The following UBE2K variants were observed in gnomAD, a reference collection of about 807,000 sequenced individuals.
UBE2K encodes ubiquitin-conjugating enzyme E2 K.
In UBE2K, 6 loss-of-function variants were observed where a neutral mutation model predicts 30.0. That is an observed-to-expected ratio of 0.20 (90% CI 0.11 to 0.39). The LOEUF (loss-of-function observed/expected upper bound fraction) is 0.39. Among genes scored for constraint, UBE2K ranks in the 10% least tolerant of loss-of-function variants. The pLI is 1.00. For synonymous variants in UBE2K, 86 were observed against 83.7 expected, an observed-to-expected ratio of 1.03 and a Z score of -0.15; for missense variants, 61 against 241.6, an observed-to-expected ratio of 0.25 and a Z score of 4.96.
intron 2 of UBE2K, among the ~76,000 whole-genome samples, chr4:39,741,521 T>A (rs933597620): frequency 6.6e-6 from 1 of 152,216 alleles, no homozygotes; most frequent in Admixed American, 6.5e-5. Context: ...TTTGAGTTTT[T>A]AAAAATCTAA....
intron 4 of UBE2K, among the ~76,000 whole-genome samples, chr4:39,767,175 T>C (rs1011022516): frequency 1.3e-5 from 2 of 152,212 alleles, no homozygotes; most frequent in African/African-American, 4.8e-5. Flanking sequence ...TTTTCTCCCT[T>C]ATGTTTTTGC....
Position 39,698,205 on chromosome 4 carries a change from C to A in UBE2K, c.-123C>A. 1 of 920,052 alleles carries A rather than the reference C, an allele frequency of 1.1e-6. No individual in the cohort carries two copies. The highest frequency in any genetic ancestry group is 1.7e-6 in the Non-Finnish European group (1 of 573,110). 57.0% of individuals were successfully genotyped at this position (920,052 alleles called of 1,614,324 possible). The stretch of plus-strand genomic sequence containing the variant: ...AGCGCGGCGGCCGGGGTGGTAGTGG[C>A]AGTGTTCGTGTGCTCAGGTCTGAAT... On this transcript the variant is annotated 5_prime_UTR_variant, in exon 1 of 7. Transcript: ENST00000261427.
At chr4:39,718,464 G>A (rs187002591) in intron 1 of UBE2K, among the ~76,000 whole-genome samples, 2 of 152,206 alleles carry the variant, frequency 1.3e-5, no homozygotes, top group African/African-American at 2.4e-5. Flanking sequence ...AGTGGATCTC[G>A]CACCGGGGCC....
chr4:39,782,222 GA>G lies in UBE2K; in HGVS notation c.*3789del. 1 of 360,210 alleles carries G rather than the reference GA, an allele frequency of 2.8e-6. No individual in the cohort carries two copies. Among genetic ancestry groups the G allele is most frequent in the Non-Finnish European group, 5.0e-6 (1 of 201,752 alleles). The allele number at this position is 360,210 out of a possible 1,614,324, so 22.3% of individuals were successfully genotyped here. ...CAGGTGTGGCACAGTTTGTCAGTTT[GA>G]TTATAGGTGTGAGTGGATAGAAATC... is the stretch of plus-strand genomic sequence containing the variant. On this transcript the variant is annotated 3_prime_UTR_variant, in exon 7 of 7. Coordinates refer to ENST00000261427, the MANE Select transcript of UBE2K (RefSeq NM_005339.5).
In UBE2K at chr4:39,725,499, A is replaced by G. The variant is rs1281002851; in HGVS notation, c.64-11921A>G. 2.0e-5 allele frequency among the ~76,000 whole-genome samples: 3 copies of G among 151,440 alleles called. No homozygotes were observed. In the East Asian group the frequency reaches 5.8e-4, roughly 29 times the overall value. ...GATATTCACAGTTGCTTCTCAGTTC[A>G]CACTTCCTCCTTAGTTGAGATTGGA... On this transcript the variant is annotated intron_variant, in intron 1 of 6. Transcript: ENST00000261427.
chr4:39,712,208 T>C (rs1199587095), intron 1 of UBE2K, among the ~76,000 whole-genome samples: 1 of 128,392 alleles, frequency 7.8e-6, no homozygotes, highest in Non-Finnish European at 1.7e-5. Flanking sequence ...TTTTTTTTTT[T>C]TTTTTTTTTT....
chr4:39,718,317 G>T (rs1719219766), intron 1 of UBE2K, among the ~76,000 whole-genome samples: 2 of 152,198 alleles, frequency 1.3e-5, no homozygotes, highest in Admixed American at 1.3e-4. Context: ...CCCTGAGCTA[G>T]ACACAGAGTG....
At chr4:39,773,792 G>A (rs147050186) in intron 4 of UBE2K, among the ~76,000 whole-genome samples, 15,703 of 151,886 alleles carry the variant, frequency 0.1, 1,036 homozygotes, top group East Asian at 0.21. Context: ...GTGGTGGCGG[G>A]CGCCTGTTGT....
intron 5 of UBE2K, among the ~76,000 whole-genome samples, chr4:39,777,005 TA>T (rs1404979145): frequency 6.6e-6 from 1 of 152,200 alleles, no homozygotes; most frequent in African/African-American, 2.4e-5. Flanking sequence ...AAATTACTTT[TA>T]AAAGAAATAT....
chr4:39,701,020 A>G (rs1206334277), intron 1 of UBE2K, among the ~76,000 whole-genome samples: 2 of 152,080 alleles, frequency 1.3e-5, no homozygotes, highest in African/African-American at 4.8e-5. Context: ...CTGTGTAGAG[A>G]GTTGGGTGTC....
At chr4:39,711,767 G>A (rs1010675470) in intron 1 of UBE2K, among the ~76,000 whole-genome samples, 4 of 151,738 alleles carry the variant, frequency 2.6e-5, no homozygotes, top group Admixed American at 2.6e-4. Context: ...CCCGGGAGAG[G>A]TGGCTTACTC....
intron 5 of UBE2K, 69 bp from the exon 6 acceptor site, chr4:39,777,613 A>G (rs1351953468): frequency 7.3e-6 from 10 of 1,362,024 alleles, no homozygotes; most frequent in Non-Finnish European, 9.8e-7. Context: ...ATTGTAGGCG[A>G]TTAAGAGCTG....
rs902274964 is a variant in UBE2K, at chr4:39,698,265, G to A, written c.-63G>A. Reference sequence around the variant, plus strand: ...AGGAGGCGGTGGAGGAAGAGGTGGCGGCGGTGGCGGTGGTCGTAGCGGTGG... The same window carrying A: ...AGGAGGCGGTGGAGGAAGAGGTGGCAGCGGTGGCGGTGGTCGTAGCGGTGG... On this transcript the variant is annotated 5_prime_UTR_variant, in exon 1 of 7. Coordinates refer to ENST00000261427, the MANE Select transcript of UBE2K (RefSeq NM_005339.5). 1.3e-6 allele frequency: 2 copies of A among 1,511,338 alleles called. No homozygotes were observed. The highest frequency in any genetic ancestry group is 2.7e-5 in the African/African-American group (2 of 73,038). The allele number at this position is 1,511,338 out of a possible 1,614,324, so 93.6% of individuals were successfully genotyped here.
intron 1 of UBE2K, among the ~76,000 whole-genome samples, chr4:39,710,916 C>T (rs1343906732): frequency 6.6e-6 from 1 of 151,960 alleles, no homozygotes; most frequent in East Asian, 1.9e-4. Context: ...ACTGCCTCTA[C>T]CCAAATACTG....
At chr4:39,738,498 T>C (rs1720498773) in intron 2 of UBE2K, among the ~76,000 whole-genome samples, 2 of 152,194 alleles carry the variant, frequency 1.3e-5, no homozygotes, top group South Asian at 2.1e-4. Flanking sequence ...TTGTTTTATC[T>C]ATTTTTTTAT....
chr4:39,770,590 G>A (rs1278737210), intron 4 of UBE2K: 44 of 1,582,684 alleles, frequency 2.8e-5, no homozygotes, highest in African/African-American at 8.1e-5. Flanking sequence ...ACGCTGGCCC[G>A]GCCTCCCGGA....
Position 39,735,419 on chromosome 4 carries a change from C to T in UBE2K, c.64-2001C>T, listed in dbSNP as rs189131943. ...TTTTTGAGACGGAGTCTCGTTCTGTCACCCAGGCTGGAGTGCAGTGGCGTG... is the reference window on the plus strand; with the variant it reads ...TTTTTGAGACGGAGTCTCGTTCTGTTACCCAGGCTGGAGTGCAGTGGCGTG... On this transcript the variant is annotated intron_variant, in intron 1 of 6. Transcript: ENST00000261427. 2.7e-3 allele frequency among the ~76,000 whole-genome samples: 412 copies of T among 152,300 alleles called. 2 individuals are homozygous for T. Among genetic ancestry groups the T allele is most frequent in the Admixed American group, 4.5e-3 (69 of 15,292 alleles).
chr4:39,742,409 C>T (rs973637166), intron 2 of UBE2K, among the ~76,000 whole-genome samples: 1 of 151,484 alleles, frequency 6.6e-6, no homozygotes, highest in Non-Finnish European at 1.5e-5. Context: ...GCATTTAGTT[C>T]AACTCATGCA....
rs1203247814 is a variant in UBE2K, at chr4:39,778,463, C to G, written c.*29C>G. 6.9e-7 allele frequency: 1 copy of G among 1,454,274 alleles called. No individual in the cohort carries two copies. Among genetic ancestry groups the G allele is most frequent in the Admixed American group, 1.8e-5 (1 of 55,908 alleles). 90.1% of individuals were successfully genotyped at this position (1,454,274 alleles called of 1,614,324 possible). ...ATAGAGAGCTGCTGATATAGTCAAG[C>G]TTGCCTCTTCTTGAGGAGCACCAAC... On this transcript the variant is annotated 3_prime_UTR_variant, in exon 7 of 7. Transcript: ENST00000261427.
Sources: gnomAD v4.1 joint callset for allele counts (sites outside exome capture counted in the v4.1 genomes callset) on GRCh38, gnomAD v4.1.1 for gene constraint, MANE v1.5 for transcripts, NCBI Gene and HGNC (gene_info 2026-07-23, HGNC 2026-07-21) for gene names.